SOX5: variants seen among roughly 807,000 people sequenced by gnomAD.
The protein encoded by SOX5 is SRY-box transcription factor 5.
SOX5 carries 9 observed loss-of-function variants against 92.0 expected under a neutral mutation model. That is an observed-to-expected ratio of 0.10 (90% CI 0.06 to 0.17). The LOEUF (loss-of-function observed/expected upper bound fraction) is 0.17, where lower values mean the gene tolerates loss of function less well. Among genes scored for constraint, SOX5 ranks in the 10% least tolerant of loss-of-function variants. The pLI is 1.00. For missense variants in SOX5, 642 were observed against 944.5 expected, an observed-to-expected ratio of 0.68 and a Z score of 4.20; for synonymous variants, 344 against 336.3, an observed-to-expected ratio of 1.02 and a Z score of -0.25.
chr12:23,989,484 T>A (rs2136242944), intron 4 of SOX5, among the ~76,000 whole-genome samples: 1 of 152,168 alleles, frequency 6.6e-6, no homozygotes, highest in African/African-American at 2.4e-5. Context: ...ATTAAAGTCA[T>A]CTAAAAAGGA....
chr12:24,238,860 C>G (rs1965027772), intron 3 of SOX5, among the ~76,000 whole-genome samples: 1 of 152,240 alleles, frequency 6.6e-6, no homozygotes, highest in South Asian at 2.1e-4. Flanking sequence ...AGCAGGACTT[C>G]TGCCCATCTC....
At chr12:24,213,516 A>T (rs1958885745) in intron 3 of SOX5, 1 of 151,554 alleles carries the variant, frequency 6.6e-6, no homozygotes, top group African/African-American at 2.4e-5. Context: ...CCAAATAAAT[A>T]AAAAAATTGA....
At chr12:23,818,149 G>A (rs1468931372) in intron 3 of SOX5, among the ~76,000 whole-genome samples, 1 of 152,154 alleles carries the variant, frequency 6.6e-6, no homozygotes, top group South Asian at 2.1e-4. Context: ...GTCATGCATT[G>A]CTTAACGACA....
chr12:24,051,194 T>A (rs1163833380), intron 4 of SOX5, among the ~76,000 whole-genome samples: 1 of 152,200 alleles, frequency 6.6e-6, no homozygotes, highest in South Asian at 2.1e-4. Flanking sequence ...GTTGATTTTT[T>A]CTTTCACCCA....
At chr12:23,574,792 C>G (rs1372016619) in intron 10 of SOX5, among the ~76,000 whole-genome samples, 1 of 152,160 alleles carries the variant, frequency 6.6e-6, no homozygotes, top group Non-Finnish European at 1.5e-5. Flanking sequence ...GCCTAGGAAT[C>G]TATCTCTTCT....
intron 4 of SOX5, among the ~76,000 whole-genome samples, chr12:24,095,729 G>A (rs944473921): frequency 3.3e-5 from 5 of 152,006 alleles, no homozygotes. Context: ...TGAATCATGG[G>A]GCTTGCTTCC....
chr12:23,572,267 C>T (rs1025665789), intron 10 of SOX5, among the ~76,000 whole-genome samples: 1 of 152,188 alleles, frequency 6.6e-6, no homozygotes, highest in Non-Finnish European at 1.5e-5. Context: ...TGGCATCACA[C>T]ATTAATTCTT....
chr12:24,378,341 T>C (rs78256066), intron 1 of SOX5, among the ~76,000 whole-genome samples: 2,472 of 152,344 alleles, frequency 0.016, 76 homozygotes, highest in African/African-American at 0.056. Flanking sequence ...CTTTTCTTCA[T>C]TCTATTTTGC....
At chr12:24,121,000 G>A (rs569687687) in intron 4 of SOX5, among the ~76,000 whole-genome samples, 57 of 152,204 alleles carry the variant, frequency 3.7e-4, no homozygotes, top group African/African-American at 1.3e-3. Flanking sequence ...TATCCCTTCC[G>A]TGGGGTCTGG....
chr12:24,136,781 C>T (rs147250756), intron 4 of SOX5, among the ~76,000 whole-genome samples: 413 of 152,342 alleles, frequency 2.7e-3, no homozygotes, highest in Middle Eastern at 0.01. Context: ...GCCCCTGCTT[C>T]GACTCCAAAA....
intron 7 of SOX5, among the ~76,000 whole-genome samples, chr12:23,652,156 A>G (rs375613691): frequency 6.6e-6 from 1 of 152,148 alleles, no homozygotes. Flanking sequence ...AAATTTACTA[A>G]TGACCTCTGA....
intron 4 of SOX5, among the ~76,000 whole-genome samples, chr12:24,073,495 CA>C (rs1477205022): frequency 6.6e-6 from 1 of 152,174 alleles, no homozygotes; most frequent in East Asian, 1.9e-4. Context: ...AACACCTTAT[CA>C]TGCTACCTTC....
At chr12:24,203,413 A>G (rs1171113725) in intron 4 of SOX5, among the ~76,000 whole-genome samples, 1 of 152,216 alleles carries the variant, frequency 6.6e-6, no homozygotes, top group African/African-American at 2.4e-5. Context: ...ACCAAGAACT[A>G]GGTACCAAAT....
At chr12:23,808,333 G>T (rs1403017574) in intron 3 of SOX5, among the ~76,000 whole-genome samples, 1 of 151,886 alleles carries the variant, frequency 6.6e-6, no homozygotes, top group Non-Finnish European at 1.5e-5. Flanking sequence ...TATAAGTTTT[G>T]TATATTCCCT....
At chr12:24,439,538 C>T (rs1721260615) in intron 1 of SOX5, among the ~76,000 whole-genome samples, 1 of 152,180 alleles carries the variant, frequency 6.6e-6, no homozygotes, top group African/African-American at 2.4e-5. Context: ...ATATCATAAA[C>T]TATGTGTATA....
At chr12:24,205,860 T>C (rs1333881280) in intron 4 of SOX5, among the ~76,000 whole-genome samples, 1 of 152,194 alleles carries the variant, frequency 6.6e-6, no homozygotes, top group African/African-American at 2.4e-5. Context: ...AAAAGAGCTT[T>C]TAAAAGACTG....
In SOX5 at chr12:24,175,278, G is replaced by A. The variant is rs1013408179; in HGVS notation, c.-2+38065C>T. On this transcript the variant is annotated intron_variant, in intron 4 of 4. Coordinates refer to the SOX5 transcript ENST00000446891. ...CATAGTATTTTCAGTTCAACTATAA[G>A]GATTGTGTAATATCTAAGTGGGGAA... 5.3e-5 allele frequency among the ~76,000 whole-genome samples: 8 copies of A among 152,168 alleles called. No homozygotes were observed. In the East Asian group the frequency reaches 1.3e-3, roughly 26 times the overall value.
intron 1 of SOX5, among the ~76,000 whole-genome samples, chr12:23,945,645 T>A (rs944710210): frequency 3.9e-5 from 6 of 152,130 alleles, no homozygotes; most frequent in African/African-American, 1.4e-4. Flanking sequence ...TCCTCTACAA[T>A]GTAGTAGTAA....
intron 12 of SOX5, among the ~76,000 whole-genome samples, chr12:23,545,282 A>G (rs1245601584): frequency 6.6e-6 from 1 of 152,180 alleles, no homozygotes; most frequent in African/African-American, 2.4e-5. Context: ...ACTTCCCTGT[A>G]GTAGTAACAA....
Sources: allele counts gnomAD v4.1 joint callset (sites outside exome capture counted in the v4.1 genomes callset), GRCh38; gene constraint gnomAD v4.1.1; transcripts MANE v1.5; gene names NCBI Gene and HGNC (gene_info 2026-07-23, HGNC 2026-07-21).